The following LHFPL1 variants were observed in gnomAD, a reference collection of about 807,000 sequenced individuals.
The protein encoded by LHFPL1 is LHFPL tetraspan subfamily member 1 protein.
LHFPL1 carries 4 observed loss-of-function variants against 12.1 expected under a neutral mutation model. That is an observed-to-expected ratio of 0.33 (90% CI 0.16 to 0.76). The LOEUF is 0.76. Ranked by LOEUF, LHFPL1 falls within the 30% of genes least tolerant of loss-of-function variation. The probability of loss-of-function intolerance (pLI) is 0.61; values close to 1 mark genes in which losing one functional copy is unlikely to be tolerated. For synonymous variants in LHFPL1, 52 were observed against 61.9 expected (o/e 0.84, Z 0.75); for missense variants, 141 against 174.1 (o/e 0.81, Z 1.07).
chrX:112,674,273 C>G (rs1377337121), intron 1 of LHFPL1, among the ~76,000 whole-genome samples: 1 of 111,495 alleles, frequency 9.0e-6, no homozygotes, highest in African/African-American at 3.3e-5. Context: ...TTATCTCTCA[C>G]CTTATACAAA....
chrX:112,673,867 A>G (rs1262042697), intron 1 of LHFPL1, among the ~76,000 whole-genome samples: 3 of 111,727 alleles, frequency 2.7e-5, no homozygotes, highest in East Asian at 5.6e-4. Flanking sequence ...AGGAAACCCA[A>G]TTTCTCCAGA....
At chrX:112,654,947 C>T (rs1930955959) in intron 3 of LHFPL1, among the ~76,000 whole-genome samples, 1 of 111,653 alleles carries the variant, frequency 9.0e-6, no homozygotes, top group African/African-American at 3.3e-5. Flanking sequence ...ATTCAGTTAA[C>T]CGGTATGGAG....
intron 3 of LHFPL1, among the ~76,000 whole-genome samples, chrX:112,642,670 T>C (rs1184162268): frequency 9.0e-6 from 1 of 110,727 alleles, no homozygotes; most frequent in Non-Finnish European, 1.9e-5. Context: ...CTTGAGGCTA[T>C]TGTAACAGCC....
Position 112,632,062 on chromosome X carries a change from A to T in LHFPL1, c.482-461T>A, listed in dbSNP as rs375922696. Among the ~76,000 whole-genome samples, 40 of 111,781 alleles carry T rather than the reference A, an allele frequency of 3.6e-4. 3 individuals are homozygous for T. Among genetic ancestry groups the T allele is most frequent in the East Asian group, 3.1e-3 (11 of 3,551 alleles). On this transcript the variant is annotated intron_variant, in intron 3 of 3. Coordinates refer to ENST00000371968, the MANE Select transcript of LHFPL1 (RefSeq NM_178175.4). ...AAGATGAGGCAACTGAAAACCACACAGCCGGCAAGTGGTAAAGATACAAAT... is the reference window on the plus strand; with the variant it reads ...AAGATGAGGCAACTGAAAACCACACTGCCGGCAAGTGGTAAAGATACAAAT...
At chrX:112,647,396 G>A (rs1930723007) in intron 3 of LHFPL1, among the ~76,000 whole-genome samples, 1 of 110,963 alleles carries the variant, frequency 9.0e-6, no homozygotes, top group African/African-American at 3.3e-5. Flanking sequence ...GCAACCTACA[G>A]AATGGGAGAA....
chrX:112,668,557 T>C (rs1931400988), intron 2 of LHFPL1, among the ~76,000 whole-genome samples: 1 of 112,860 alleles, frequency 8.9e-6, no homozygotes, highest in South Asian at 3.6e-4. Flanking sequence ...CTCATCTACA[T>C]GTGAACACTG....
At chrX:112,642,835 G>A (rs1930556625) in intron 3 of LHFPL1, among the ~76,000 whole-genome samples, 1 of 110,835 alleles carries the variant, frequency 9.0e-6, no homozygotes, top group South Asian at 3.9e-4. Flanking sequence ...GTAGCTTAGT[G>A]GCCTATGGGA....
At chrX:112,654,519 C>T (rs941823897) in intron 3 of LHFPL1, among the ~76,000 whole-genome samples, 11 of 109,412 alleles carry the variant, frequency 1.0e-4, no homozygotes, top group Non-Finnish European at 2.1e-4. Context: ...TAATATGATC[C>T]CATTGGATAT....
At chrX:112,647,431 C>A (rs138410613) in intron 3 of LHFPL1, among the ~76,000 whole-genome samples, 4,580 of 110,483 alleles carry the variant, frequency 0.041, 87 homozygotes, top group Middle Eastern at 0.079. Context: ...ATCCATCTGA[C>A]AAAGGGCTAA....
chrX:112,661,404 C>A (rs1931183237), intron 2 of LHFPL1, among the ~76,000 whole-genome samples: 1 of 111,815 alleles, frequency 8.9e-6, no homozygotes, highest in African/African-American at 3.3e-5. Context: ...AAATCTGGGT[C>A]TGCTTGCCAA....
intron 3 of LHFPL1, among the ~76,000 whole-genome samples, chrX:112,652,505 T>G (rs935650831): frequency 9.0e-6 from 1 of 111,635 alleles, no homozygotes; most frequent in African/African-American, 3.3e-5. Flanking sequence ...AATAAGCAAA[T>G]CTAATAATTA....
chrX:112,663,048 G>A (rs1931234508), intron 2 of LHFPL1, among the ~76,000 whole-genome samples: 1 of 111,432 alleles, frequency 9.0e-6, no homozygotes, highest in South Asian at 3.8e-4. Context: ...CTGGCCAAGT[G>A]CCTTTCTTGG....
At chrX:112,647,128 T>C (rs995726810) in intron 3 of LHFPL1, among the ~76,000 whole-genome samples, 1 of 111,983 alleles carries the variant, frequency 8.9e-6, no homozygotes, top group African/African-American at 3.2e-5. Flanking sequence ...ATACAGACAT[T>C]ACCCTAGAAT....
chrX:112,651,759 T>G (rs1164399207), intron 3 of LHFPL1, among the ~76,000 whole-genome samples: 1 of 112,333 alleles, frequency 8.9e-6, no homozygotes, highest in East Asian at 2.8e-4. Flanking sequence ...ACTGGCCTCC[T>G]GCTTCCACTC....
chrX:112,671,210 G>A lies in LHFPL1; in HGVS notation c.181C>T (p.Leu61=). ...NYPVRGEGHS[L]IMVEECGRYA... is the part of the protein sequence containing the mutation. ...CGCCCACATTCTTCCACCATGATCA[G>A]ACTGTGTCCCTCTCCCCGCACAGGG... The change falls in exon 2 of 4, where the codon CTG becomes TTG. Residue 61 remains leucine, a synonymous_variant. Transcript: ENST00000371968. 2.5e-6 allele frequency: 3 copies of A among 1,212,072 alleles called. No homozygotes were observed. The Middle Eastern group carries it at 6.9e-4, about 278-fold the overall frequency.
At chrX:112,669,946 T>C (rs144967297) in intron 2 of LHFPL1, among the ~76,000 whole-genome samples, 5 of 111,537 alleles carry the variant, frequency 4.5e-5, no homozygotes, top group African/African-American at 1.6e-4. Context: ...GAAAGAAAGA[T>C]CAGATCTGGG....
chrX:112,638,172 T>C (rs1284060996), intron 3 of LHFPL1, among the ~76,000 whole-genome samples: 1 of 111,828 alleles, frequency 8.9e-6, no homozygotes, highest in Non-Finnish European at 1.9e-5. Flanking sequence ...TAGCATTTGT[T>C]TTTTCGTCTA....
rs183841517 is a variant in LHFPL1 at position 112,658,698 on chromosome X, C to G, written c.481+1929G>C. On this transcript the variant is annotated intron_variant, in intron 3 of 3. Transcript: ENST00000371968. ...TTGTTGGTGGGAATGTAAAATGATGCAGTCATTCTGGAAAGCCTGGCAGTT... is the reference window on the plus strand; with the variant it reads ...TTGTTGGTGGGAATGTAAAATGATGGAGTCATTCTGGAAAGCCTGGCAGTT... Among the ~76,000 whole-genome samples, 93 of 111,255 alleles carry G rather than the reference C, an allele frequency of 8.4e-4. 1 individual carries two copies. Among genetic ancestry groups the G allele is most frequent in the Non-Finnish European group, 1.9e-4 (10 of 53,058 alleles).
intron 3 of LHFPL1, chrX:112,648,595 C>T (rs1602674508): frequency 9.0e-6 from 1 of 111,126 alleles, no homozygotes; most frequent in East Asian, 2.8e-4. Flanking sequence ...TTGACTTCTA[C>T]CTTAATAGAC....
Sources: allele counts gnomAD v4.1 joint callset (sites outside exome capture counted in the v4.1 genomes callset), GRCh38; gene constraint gnomAD v4.1.1; transcripts MANE v1.5; gene names NCBI Gene and HGNC (gene_info 2026-07-23, HGNC 2026-07-21).